The following NCAM1 variants were observed in gnomAD, a reference collection of about 807,000 sequenced individuals.
NCAM1 encodes neural cell adhesion molecule 1.
In NCAM1, 14 loss-of-function variants were observed where a neutral mutation model predicts 109.8. The ratio of observed to expected loss-of-function variants is 0.13; its 90% CI spans 0.08 to 0.20. The LOEUF is 0.20. NCAM1 is among the 10% of genes least tolerant of loss of function. The pLI, the probability that NCAM1 is intolerant of heterozygous loss-of-function variation, is 1.00. For missense variants in NCAM1, 774 were observed against 1,109.9 expected (o/e 0.70, Z 4.30); for synonymous variants, 418 against 442.9 (o/e 0.94, Z 0.70).
intron 3 of NCAM1, among the ~76,000 whole-genome samples, chr11:113,204,753 C>T (rs896398582): frequency 1.3e-5 from 2 of 152,190 alleles, no homozygotes; most frequent in East Asian, 1.9e-4. Context: ...AGGGCTATTA[C>T]GGGTTTCTCT....
chr11:113,056,102 C>T (rs561639984), intron 1 of NCAM1, among the ~76,000 whole-genome samples: 117 of 146,252 alleles, frequency 8.0e-4, no homozygotes, highest in Non-Finnish European at 1.4e-3. Context: ...CTGTCATTTG[C>T]AGCAACATGG....
intron 1 of NCAM1, among the ~76,000 whole-genome samples, chr11:113,056,727 C>T (rs567946057): frequency 1.3e-5 from 2 of 152,254 alleles, no homozygotes; most frequent in East Asian, 3.9e-4. Flanking sequence ...GAGACTACAG[C>T]CCTGGCCAAC....
intron 1 of NCAM1, among the ~76,000 whole-genome samples, chr11:113,161,691 A>G (rs1193456876): frequency 6.6e-6 from 1 of 152,214 alleles, no homozygotes; most frequent in Non-Finnish European, 1.5e-5. Flanking sequence ...CCTCTTAAGC[A>G]TGAGGATGTA....
rs553976028 is a variant in NCAM1, at chr11:113,054,828, A to C, written c.52+93164A>C. 2.6e-5 allele frequency among the ~76,000 whole-genome samples: 4 copies of C among 152,214 alleles called. No homozygotes were observed. The South Asian group carries it at 8.3e-4, about 32-fold the overall frequency. On this transcript the variant is annotated intron_variant, in intron 1 of 19. Transcript: ENST00000316851. ...ACTGCGATGATTAATTCAGAGTCTG[A>C]GGGAGCAAGAGAGCCACTCAAAGGG... is the stretch of plus-strand genomic sequence containing the variant.
chr11:113,199,829 T>TGAAAAAAAAAAAAAAAAAAAAAAAA (rs60389510), intron 1 of NCAM1, among the ~76,000 whole-genome samples: 1 of 115,766 alleles, frequency 8.6e-6, no homozygotes, highest in African/African-American at 3.4e-5. Context: ...GAAACACCCT[T>TGAAAAAAAAAAAAAAAAAAAAAAAA]AAAAAAAAAA....
At chr11:113,065,741 A>C (rs936705506) in intron 1 of NCAM1, among the ~76,000 whole-genome samples, 3 of 152,210 alleles carry the variant, frequency 2.0e-5, no homozygotes, top group African/African-American at 7.2e-5. Flanking sequence ...ACTTAAGGAG[A>C]TGTAACAACA....
chr11:113,129,344 C>T (rs904823710), intron 1 of NCAM1, among the ~76,000 whole-genome samples: 4 of 152,170 alleles, frequency 2.6e-5, no homozygotes, highest in African/African-American at 9.7e-5. Flanking sequence ...TTGGTTTCTA[C>T]ATAATTTTCT....
chr11:113,163,769 T>C (rs1036209901), intron 1 of NCAM1, among the ~76,000 whole-genome samples: 6 of 152,106 alleles, frequency 3.9e-5, no homozygotes, highest in African/African-American at 1.4e-4. Flanking sequence ...AGTGTCAGGG[T>C]TCAACTGCCC....
intron 11 of NCAM1, 91 bp from the exon 12 acceptor site, chr11:113,232,627 G>GT: frequency 1.8e-6 from 2 of 1,110,938 alleles, no homozygotes; most frequent in Non-Finnish European, 2.7e-6. Flanking sequence ...TACTAGTTCT[G>GT]TTTTTTACTA....
chr11:112,984,055 G>A (rs1023373892), intron 1 of NCAM1, among the ~76,000 whole-genome samples: 1 of 151,734 alleles, frequency 6.6e-6, no homozygotes, highest in African/African-American at 2.4e-5. Context: ...CTTCCCATTA[G>A]CTCCTCTCCT....
intron 1 of NCAM1, among the ~76,000 whole-genome samples, chr11:113,053,793 A>T (rs1203403288): frequency 6.6e-6 from 1 of 152,194 alleles, no homozygotes; most frequent in African/African-American, 2.4e-5. Context: ...GCATACCACG[A>T]TCTTAGCTGC....
At chr11:113,042,865 C>T (rs1953125884) in intron 1 of NCAM1, among the ~76,000 whole-genome samples, 1 of 152,172 alleles carries the variant, frequency 6.6e-6, no homozygotes, top group African/African-American at 2.4e-5. Flanking sequence ...GCTCTCATCC[C>T]ATCCCTCTCC....
intron 1 of NCAM1, among the ~76,000 whole-genome samples, chr11:113,017,454 C>A (rs535106220): frequency 6.6e-6 from 1 of 152,232 alleles, no homozygotes; most frequent in South Asian, 2.1e-4. Flanking sequence ...TTTGAGAAAA[C>A]AATGGTTAGT....
chr11:113,035,173 C>A (rs1555078963), intron 1 of NCAM1, among the ~76,000 whole-genome samples: 1 of 152,168 alleles, frequency 6.6e-6, no homozygotes, highest in Non-Finnish European at 1.5e-5. Flanking sequence ...TACAGAAACA[C>A]CCTTAGACCT....
At chr11:113,265,008 C>T in intron 17 of NCAM1, 2 of 985,460 alleles carry the variant, frequency 2.0e-6, no homozygotes, top group Non-Finnish European at 2.4e-6. Context: ...CTCCCCTGTG[C>T]CCTGTAGTTG....
At chr11:113,202,785 G>T (rs1427307824) in intron 2 of NCAM1, among the ~76,000 whole-genome samples, 1 of 152,212 alleles carries the variant, frequency 6.6e-6, no homozygotes, top group Non-Finnish European at 1.5e-5. Context: ...TTCTGTAAAT[G>T]ACAATGGAGA....
At chr11:112,997,353 G>T (rs781873225) in intron 1 of NCAM1, among the ~76,000 whole-genome samples, 2 of 152,088 alleles carry the variant, frequency 1.3e-5, no homozygotes, top group African/African-American at 2.4e-5. Flanking sequence ...TTAATTCACC[G>T]CAAGAATAGA....
intron 1 of NCAM1, among the ~76,000 whole-genome samples, chr11:113,097,741 CTT>C (rs1473100992): frequency 6.6e-6 from 1 of 151,542 alleles, no homozygotes; most frequent in Non-Finnish European, 1.5e-5. Context: ...AATAAATTGA[CTT>C]ATCATTAATG....
chr11:113,239,617 T>C (rs1409829460), intron 14 of NCAM1, among the ~76,000 whole-genome samples: 3 of 148,360 alleles, frequency 2.0e-5, no homozygotes, highest in Non-Finnish European at 4.4e-5. Flanking sequence ...GCCATACTCC[T>C]GAGTCTCTAC....
Sources: gnomAD v4.1 joint callset for allele counts (sites outside exome capture counted in the v4.1 genomes callset) on GRCh38, gnomAD v4.1.1 for gene constraint, MANE v1.5 for transcripts, NCBI Gene and HGNC (gene_info 2026-07-23, HGNC 2026-07-21) for gene names.